Variants in DCHS2 observed in about 807,000 individuals in gnomAD.
The protein encoded by DCHS2 is dachsous cadherin-related 2.
A neutral mutation model predicts 182.4 loss-of-function variants in DCHS2; 142 were observed. The observed-to-expected ratio is 0.78, with a 90% CI of 0.68 to 0.89. DCHS2 has a LOEUF of 0.89. Among genes scored for constraint, DCHS2 ranks in the 40% least tolerant of loss-of-function variants. The probability of loss-of-function intolerance (pLI) is 0.00; values close to 1 mark genes in which losing one functional copy is unlikely to be tolerated. For synonymous variants in DCHS2, 1,740 were observed against 1,663.3 expected, an observed-to-expected ratio of 1.05 and a Z score of -1.12; for missense variants, 4,319 against 4,198.6, an observed-to-expected ratio of 1.03 and a Z score of -0.79.
At chr4:154,339,626 T>C (rs1728971236) in intron 3 of DCHS2, among the ~76,000 whole-genome samples, 1 of 152,026 alleles carries the variant, frequency 6.6e-6, no homozygotes, top group Admixed American at 6.6e-5. Context: ...ATTTTTGTAT[T>C]TTTAGTAGAG....
chr4:154,412,680 C>G (rs1247083228), intron 1 of DCHS2, among the ~76,000 whole-genome samples: 1 of 152,164 alleles, frequency 6.6e-6, no homozygotes, highest in Admixed American at 6.6e-5. Flanking sequence ...TCAGTAATCC[C>G]TTCTTCTAAG....
At chr4:154,470,974 G>T (rs1363455497) in intron 1 of DCHS2, among the ~76,000 whole-genome samples, 1 of 152,178 alleles carries the variant, frequency 6.6e-6, no homozygotes, top group Non-Finnish European at 1.5e-5. Context: ...TGGATCACTG[G>T]ATTTCTGCAG....
At chr4:154,439,211 T>C (rs1453622330) in intron 1 of DCHS2, among the ~76,000 whole-genome samples, 2 of 152,184 alleles carry the variant, frequency 1.3e-5, no homozygotes, top group Non-Finnish European at 2.9e-5. Context: ...TACATATACA[T>C]AGATTTATAT....
At chr4:154,259,865 C>T in intron 14 of DCHS2, 109 bp from the exon 15 acceptor site, 1 of 1,253,778 alleles carries the variant, frequency 8.0e-7, no homozygotes, top group Admixed American at 3.0e-5. Flanking sequence ...CACTGTCGCC[C>T]AGGCTGGAGT....
At chr4:154,373,182 A>C (rs1048652682) in intron 2 of DCHS2, among the ~76,000 whole-genome samples, 2 of 152,256 alleles carry the variant, frequency 1.3e-5, no homozygotes, top group Non-Finnish European at 2.9e-5. Context: ...CTTTGAATGC[A>C]GTCTACGTTG....
chr4:154,346,510 T>TAAA (rs1729366857), intron 3 of DCHS2, among the ~76,000 whole-genome samples: 1 of 151,860 alleles, frequency 6.6e-6, no homozygotes, highest in Non-Finnish European at 1.5e-5. Flanking sequence ...GTGCCTTTGG[T>TAAA]AACATGTCCT....
chr4:154,463,022 C>G (rs980965257), intron 1 of DCHS2, among the ~76,000 whole-genome samples: 1 of 151,850 alleles, frequency 6.6e-6, no homozygotes, highest in Non-Finnish European at 1.5e-5. Context: ...TTCCCCATAC[C>G]AAATCCTCAA....
rs139269689 is a variant in DCHS2 at position 154,366,396 on chromosome 4, C to T, written c.2290G>A (p.Val764Met). 5.9e-4 allele frequency: 950 copies of T among 1,613,672 alleles called. 3 individuals are homozygous for T. The highest frequency in any genetic ancestry group is 5.2e-4 in the Non-Finnish European group (618 of 1,179,896). ...TTAAACACAGGATGATTATCATTCACGTCCTCCAGGTCCACACGAACAAAG... is the reference window on the plus strand; with the variant it reads ...TTAAACACAGGATGATTATCATTCATGTCCTCCAGGTCCACACGAACAAAG... Reference protein sequence around the residue: ...QAFVRVDLEDVNDNHPVFNPS... With the variant: ...QAFVRVDLEDMNDNHPVFNPS... The change falls in exon 3 of 20, where the codon GTG becomes ATG. Residue 764 changes from valine (V) to methionine (M), a missense_variant. Val to Met is a conservative substitution (Grantham distance 21). Transcript: ENST00000357232.
intron 16 of DCHS2, among the ~76,000 whole-genome samples, chr4:154,248,198 CAT>C (rs750306106): frequency 3.9e-5 from 6 of 152,006 alleles, no homozygotes; most frequent in Non-Finnish European, 8.8e-5. Flanking sequence ...AGGAAAAAAA[CAT>C]ATAATATGAT....
At chr4:154,375,195 A>G (rs1180628143) in intron 2 of DCHS2, among the ~76,000 whole-genome samples, 1 of 152,198 alleles carries the variant, frequency 6.6e-6, no homozygotes, top group East Asian at 1.9e-4. Context: ...GTAAGTATGA[A>G]AGGTAAAACA....
chr4:154,300,922 T>C (rs944972925), intron 12 of DCHS2, among the ~76,000 whole-genome samples: 9 of 152,132 alleles, frequency 5.9e-5, no homozygotes, highest in African/African-American at 1.9e-4. Flanking sequence ...ATCTTTAAAA[T>C]GAGGGCTGAG....
At chr4:154,356,087 T>C (rs1157418955) in intron 3 of DCHS2, among the ~76,000 whole-genome samples, 1 of 152,136 alleles carries the variant, frequency 6.6e-6, no homozygotes, top group Non-Finnish European at 1.5e-5. Context: ...CAGCTCCATG[T>C]GTGTTACTGG....
At chr4:154,360,453 C>T (rs970492254) in intron 3 of DCHS2, among the ~76,000 whole-genome samples, 16 of 152,022 alleles carry the variant, frequency 1.1e-4, no homozygotes, top group Non-Finnish European at 1.9e-4. Flanking sequence ...ATGAAAGTAA[C>T]GTACACTGAT....
chr4:154,285,662 G>A (rs1734360235), intron 13 of DCHS2, among the ~76,000 whole-genome samples: 1 of 152,124 alleles, frequency 6.6e-6, no homozygotes, highest in Admixed American at 6.5e-5. Context: ...TAGAAAAGCT[G>A]GGGGAAGAAT....
chr4:154,338,659 A>G (rs1728925921), intron 3 of DCHS2, among the ~76,000 whole-genome samples: 2 of 152,330 alleles, frequency 1.3e-5, no homozygotes, highest in Middle Eastern at 6.8e-3. Flanking sequence ...TGTCATTTGG[A>G]ACACTGAAAA....
chr4:154,313,372 C>T (rs1163262735), intron 10 of DCHS2, among the ~76,000 whole-genome samples: 1 of 152,128 alleles, frequency 6.6e-6, no homozygotes, highest in Non-Finnish European at 1.5e-5. Context: ...CATAAACATT[C>T]AGTGCTCAAA....
At chr4:154,337,888 G>A (rs533198464) in intron 3 of DCHS2, among the ~76,000 whole-genome samples, 6 of 152,052 alleles carry the variant, frequency 3.9e-5, no homozygotes, top group South Asian at 2.1e-4. Context: ...TTACAGGCAC[G>A]TATCACCATG....
rs1731369651 is a variant in DCHS2 at position 154,234,758 on chromosome 4, T to G, written c.9894A>C (p.Ala3298=). The G allele has an allele frequency of 2.5e-6, 4 of 1,613,932 alleles. No homozygotes were observed. Among genetic ancestry groups the G allele is most frequent in the Non-Finnish European group, 3.4e-6 (4 of 1,179,900 alleles). ...GIKAVPPRMP[A]VNLGQVPPKH... is the part of the protein sequence containing the mutation. ...TCGGAGGCACCTGCCCCAGGTTTAC[T>G]GCCGGCATTCTTGGTGGGACTGCTT... Residue 3298 remains alanine (A), a synonymous_variant, in exon 20 of 20, where the codon GCA becomes GCC. Transcript: ENST00000357232.
Position 154,232,640 on chromosome 4 carries a change from T to C in DCHS2, c.*1896A>G, listed in dbSNP as rs1731247218. ...ACTTCCATATATAATTAGGAAAATA[T>C]AGTATAGGGTTTCTTTCTATGCTCA... On this transcript the variant is annotated 3_prime_UTR_variant, in exon 20 of 20. Coordinates refer to ENST00000357232, the MANE Select transcript of DCHS2 (RefSeq NM_001358235.2). 1.3e-5 allele frequency: 2 copies of C among 152,118 alleles called. No homozygotes were observed. Among genetic ancestry groups the C allele is most frequent in the South Asian group, 2.1e-4 (1 of 4,834 alleles). The allele number at this position is 152,118 out of a possible 1,614,324, so 9.4% of individuals were successfully genotyped here.
Sources: allele counts gnomAD v4.1 joint callset (sites outside exome capture counted in the v4.1 genomes callset), GRCh38; gene constraint gnomAD v4.1.1; transcripts MANE v1.5; gene names NCBI Gene and HGNC (gene_info 2026-07-23, HGNC 2026-07-21).